The following PARVB variants were observed in gnomAD, a reference collection of about 807,000 sequenced individuals.
PARVB encodes beta-parvin.
In PARVB, 46 loss-of-function variants were observed where a neutral mutation model predicts 47.0. The observed-to-expected ratio is 0.98, with a 90% CI of 0.77 to 1.25. The LOEUF is 1.25. Ranked by LOEUF, PARVB falls within the 50% of genes most tolerant of loss-of-function variation. The probability of loss-of-function intolerance (pLI) is 0.00; values close to 1 mark genes in which losing one functional copy is unlikely to be tolerated. For synonymous variants in PARVB, 196 were observed against 196.3 expected (o/e 1.00, Z 0.01); for missense variants, 473 against 471.6 (o/e 1.00, Z -0.03).
At chr22:44,163,968 G>A (rs763975902) in intron 12 of PARVB, 38 bp downstream of exon 12, 60 of 1,503,072 alleles carry the variant, frequency 4.0e-5, no homozygotes, top group Middle Eastern at 1.7e-4. Flanking sequence ...GGAGAGGTGC[G>A]CACGGAGGGG....
At chr22:44,121,665 G>C (rs1403085297) in intron 4 of PARVB, among the ~76,000 whole-genome samples, 1 of 152,082 alleles carries the variant, frequency 6.6e-6, no homozygotes, top group Non-Finnish European at 1.5e-5. Flanking sequence ...GGGCCTTATG[G>C]GTGCTTGTGG....
In PARVB at chr22:44,131,549, C is replaced by T. The variant is rs945611093; in HGVS notation, c.439C>T (p.Gln147Ter). The change falls in exon 5 of 13, where the codon CAG (glutamine) becomes TAG (stop). Residue 147 changes from glutamine to a stop codon, truncating the protein, a stop_gained. Transcript: ENST00000338758. LOFTEE classifies it high-confidence loss of function. ...EVTQSEIGQK[Q>*]KLQTVLEAVH... ...GACACAGTCCGAAATAGGGCAGAAA[C>T]AGAAGCTGCAGACGGTGCTGGAAGC... 2 of 1,614,054 alleles carry T rather than the reference C, an allele frequency of 1.2e-6. No individual in the cohort carries two copies. Among genetic ancestry groups the T allele is most frequent in the Admixed American group, 1.7e-5 (1 of 59,998 alleles).
intron 4 of PARVB, among the ~76,000 whole-genome samples, chr22:44,126,749 T>C (rs1470579404): frequency 6.6e-6 from 1 of 152,228 alleles, no homozygotes. Context: ...TTGAGTGTTT[T>C]GTTCACTTTC....
At chr22:44,017,929 G>A (rs2146863557) in intron 2 of PARVB, among the ~76,000 whole-genome samples, 1 of 152,262 alleles carries the variant, frequency 6.6e-6, no homozygotes, top group East Asian at 1.9e-4. Flanking sequence ...GATGTTGCAT[G>A]TCACGTGTCA....
intron 1 of PARVB, among the ~76,000 whole-genome samples, chr22:44,042,871 A>T (rs908257323): frequency 6.6e-6 from 1 of 152,226 alleles, no homozygotes; most frequent in African/African-American, 2.4e-5. Flanking sequence ...TGGAGAAAAA[A>T]GAATATCCTT....
rs931682979 is a variant in PARVB at position 44,007,179 on chromosome 22, G to A, written c.211+7506G>A. On this transcript the variant is annotated intron_variant, in intron 2 of 13. Coordinates refer to the PARVB transcript ENST00000406477. ...GGCTGCGTTTGCGGGTACAGCGGGC[G>A]GAGATGACACTTCAGGTCTAGTGGG... 3.3e-5 allele frequency among the ~76,000 whole-genome samples: 5 copies of A among 152,098 alleles called. No homozygotes were observed. The East Asian group carries it at 5.8e-4, about 18-fold the overall frequency.
intron 3 of PARVB, chr22:44,115,417 C>T (rs868863007): frequency 9.9e-6 from 1 of 100,632 alleles, no homozygotes; most frequent in African/African-American, 4.3e-5. Context: ...TTGTTATTAA[C>T]TAAGGCCCTG....
chr22:44,008,936 C>T (rs2050495462), intron 2 of PARVB, among the ~76,000 whole-genome samples: 1 of 152,066 alleles, frequency 6.6e-6, no homozygotes, highest in South Asian at 2.1e-4. Flanking sequence ...TTGCAGTGAG[C>T]CGAGATCGCA....
chr22:44,172,708 C>T lies in PARVB; in HGVS notation c.*4030C>T, dbSNP rs1250971373. 3.4e-6 allele frequency: 1 copy of T among 290,820 alleles called. No homozygotes were observed. The highest frequency in any genetic ancestry group is 2.3e-5 in the African/African-American group (1 of 43,640). 18.0% of individuals were successfully genotyped at this position (290,820 alleles called of 1,614,324 possible). The stretch of plus-strand genomic sequence containing the variant: ...TTGTGTGCCAGTATTTTACTGTCTT[C>T]TTAATTGTTTTAAGCAATGTTTACT... On this transcript the variant is annotated 3_prime_UTR_variant, in exon 13 of 13. Coordinates refer to ENST00000338758, the MANE Select transcript of PARVB (RefSeq NM_013327.5).
intron 12 of PARVB, among the ~76,000 whole-genome samples, chr22:44,165,367 C>G (rs1235117185): frequency 6.6e-6 from 1 of 152,196 alleles, no homozygotes; most frequent in East Asian, 1.9e-4. Flanking sequence ...GAGAATGGTG[C>G]CTGGCCTGGA....
intron 2 of PARVB, among the ~76,000 whole-genome samples, chr22:44,098,213 G>A (rs763172650): frequency 6.6e-6 from 1 of 152,138 alleles, no homozygotes; most frequent in Non-Finnish European, 1.5e-5. Flanking sequence ...CTCACTCTCC[G>A]TCCTGCACCC....
intron 1 of PARVB, among the ~76,000 whole-genome samples, chr22:44,060,121 C>G (rs1291755876): frequency 6.6e-6 from 1 of 151,994 alleles, no homozygotes; most frequent in Non-Finnish European, 1.5e-5. Context: ...TTGAGACCAG[C>G]CTGGCCAACA....
intron 1 of PARVB, among the ~76,000 whole-genome samples, chr22:44,053,881 C>T (rs1224011794): frequency 6.7e-6 from 1 of 148,904 alleles, no homozygotes; most frequent in Non-Finnish European, 1.5e-5. Flanking sequence ...TGCAGAGCTT[C>T]CATGCCCTCT....
At chr22:44,148,719 GAAGCATTTTTCAA>G (rs2053740372) in intron 9 of PARVB, 1 of 152,196 alleles carries the variant, frequency 6.6e-6, no homozygotes, top group African/African-American at 2.4e-5. Flanking sequence ...AGCTTGGTAG[GAAGCATTTTTCAA>G]ACTTGTTTGT....
chr22:44,066,429 A>G (rs1280065892), intron 1 of PARVB, among the ~76,000 whole-genome samples: 1 of 152,210 alleles, frequency 6.6e-6, no homozygotes, highest in Admixed American at 6.5e-5. Context: ...CGTTTGGCTC[A>G]GTCTTAATTA....
At chr22:44,046,846 G>A (rs773969609) in intron 1 of PARVB, among the ~76,000 whole-genome samples, 1 of 152,190 alleles carries the variant, frequency 6.6e-6, no homozygotes. Context: ...CTGCTGACTT[G>A]AGCCTCTGCT....
At chr22:44,077,870 G>C (rs2051812991) in intron 1 of PARVB, among the ~76,000 whole-genome samples, 1 of 151,996 alleles carries the variant, frequency 6.6e-6, no homozygotes, top group African/African-American at 2.4e-5. Context: ...GCTAATTTTT[G>C]TGTTTTTAGT....
At chr22:44,091,882 C>T (rs565752687) in intron 1 of PARVB, among the ~76,000 whole-genome samples, 6 of 152,220 alleles carry the variant, frequency 3.9e-5, no homozygotes, top group East Asian at 1.9e-4. Context: ...ATATTACCTT[C>T]GGGGGAGTGG....
chr22:44,038,395 G>T (rs1045426171), intron 1 of PARVB, among the ~76,000 whole-genome samples: 6 of 152,182 alleles, frequency 3.9e-5, no homozygotes, highest in Non-Finnish European at 8.8e-5. Context: ...ACTTCCCCAC[G>T]CTGTGCCTCA....
Sources: allele counts gnomAD v4.1 joint callset (sites outside exome capture counted in the v4.1 genomes callset), GRCh38; gene constraint gnomAD v4.1.1; transcripts MANE v1.5; gene names NCBI Gene and HGNC (gene_info 2026-07-23, HGNC 2026-07-21).